THSD7B: variants seen among roughly 807,000 people sequenced by gnomAD.
The protein encoded by THSD7B is thrombospondin type 1 domain containing 7B.
In THSD7B, 138 loss-of-function variants were observed where a neutral mutation model predicts 213.6. The observed-to-expected ratio is 0.65, with a 90% confidence interval of 0.56 to 0.74. THSD7B has a LOEUF of 0.74. Ranked by LOEUF, THSD7B falls within the 30% of genes least tolerant of loss-of-function variation. The pLI, the probability that THSD7B is intolerant of heterozygous loss-of-function variation, is 0.00. For missense variants in THSD7B, 1,931 were observed against 1,991.5 expected, an observed-to-expected ratio of 0.97 and a Z score of 0.58; for synonymous variants, 742 against 687.0, an observed-to-expected ratio of 1.08 and a Z score of -1.25.
At chr2:137,100,015 T>G (rs1688120009) in intron 4 of THSD7B, among the ~76,000 whole-genome samples, 1 of 152,196 alleles carries the variant, frequency 6.6e-6, no homozygotes, top group Admixed American at 6.5e-5. Context: ...GCACCCCACT[T>G]TGATTTGCTT....
At chr2:137,158,066 G>A (rs76336654) in intron 5 of THSD7B, among the ~76,000 whole-genome samples, 5,331 of 152,170 alleles carry the variant, frequency 0.035, 325 homozygotes, top group African/African-American at 0.12. Flanking sequence ...TTAAAATACT[G>A]CTTGATTTAC....
In THSD7B at chr2:137,401,466, G is replaced by A. The variant is rs190460492; in HGVS notation, c.2501-4147G>A. ...AAAATGATTGCTTTTATACTAGAAC[G>A]TTCCCAACAAGGAAATGTTTCATTT... On this transcript the variant is annotated intron_variant, in intron 12 of 27. Coordinates refer to ENST00000409968, the MANE Select transcript of THSD7B (RefSeq NM_001316349.2). Among the ~76,000 whole-genome samples, 197 of 152,178 alleles carry A rather than the reference G, an allele frequency of 1.3e-3. 1 individual carries two copies. Among genetic ancestry groups the A allele is most frequent in the African/African-American group, 4.4e-3 (181 of 41,552 alleles).
At chr2:136,962,403 CT>C (rs71400559) in intron 2 of THSD7B, among the ~76,000 whole-genome samples, 16,347 of 99,306 alleles carry the variant, frequency 0.16, 1,222 homozygotes, top group Middle Eastern at 0.37. Flanking sequence ...AATCTGTTAT[CT>C]TTTTTTTTTT....
intron 2 of THSD7B, among the ~76,000 whole-genome samples, chr2:136,942,292 C>G (rs189887797): frequency 1.3e-5 from 2 of 152,044 alleles, no homozygotes; most frequent in Admixed American, 6.6e-5. Flanking sequence ...ATGCCTCCAG[C>G]TTTGTTATTT....
At chr2:137,091,141 T>G (rs1379315975) in intron 3 of THSD7B, among the ~76,000 whole-genome samples, 1 of 152,190 alleles carries the variant, frequency 6.6e-6, no homozygotes, top group Non-Finnish European at 1.5e-5. Flanking sequence ...TAGGATCCCT[T>G]TTCGAAAATA....
chr2:137,003,482 T>C (rs541444395), intron 2 of THSD7B, among the ~76,000 whole-genome samples: 1 of 152,314 alleles, frequency 6.6e-6, no homozygotes, highest in East Asian at 1.9e-4. Context: ...CCAGAATCTC[T>C]CATTTGAAAT....
At chr2:136,872,927 TA>T (rs1683460610) in intron 1 of THSD7B, among the ~76,000 whole-genome samples, 1 of 144,492 alleles carries the variant, frequency 6.9e-6, no homozygotes, top group African/African-American at 2.6e-5. Flanking sequence ...TAGGGTTGCA[TA>T]ACTGCTAAAT....
intron 1 of THSD7B, among the ~76,000 whole-genome samples, chr2:136,802,421 T>C (rs1481321625): frequency 1.3e-5 from 2 of 151,704 alleles, no homozygotes; most frequent in African/African-American, 2.4e-5. Context: ...CTTTATAACA[T>C]GAGCAATAAA....
Position 137,272,652 on chromosome 2 carries a change from C to T in THSD7B, c.2386C>T (p.Pro796Ser). The T allele has an allele frequency of 1.2e-6, 2 of 1,611,352 alleles. No individual in the cohort carries two copies. The highest frequency in any genetic ancestry group is 1.7e-6 in the Non-Finnish European group (2 of 1,178,576). Residue 796 changes from proline to serine, a missense_variant, in exon 11 of 28, where the codon CCT becomes TCT. Transcript: ENST00000409968. ...ERECEDVSLC[P>S]VYRWKPQKWS... ...AGAGTGTGAAGATGTTTCCTTGTGT[C>T]CTGTATATCGGCAAGTAGTTACCTT...
chr2:137,230,989 C>T lies in THSD7B; in HGVS notation c.1724-55C>T, dbSNP rs1681626461. 4 of 1,518,186 alleles carry T rather than the reference C, an allele frequency of 2.6e-6. No homozygotes were observed. The East Asian group carries it at 6.8e-5, about 26-fold the overall frequency. The allele number at this position is 1,518,186 out of a possible 1,614,324, so 94.0% of individuals were successfully genotyped here. Reference sequence around the variant, plus strand: ...CTTTAAACTGAAGTAATAGATAAAGCAGTGAGGCTTGATTGTGCATTAATC... The same window carrying T: ...CTTTAAACTGAAGTAATAGATAAAGTAGTGAGGCTTGATTGTGCATTAATC... On this transcript the variant is annotated intron_variant, in intron 7 of 27. Coordinates refer to ENST00000409968, the MANE Select transcript of THSD7B (RefSeq NM_001316349.2).
At chr2:136,891,689 A>G (rs905620612) in intron 2 of THSD7B, among the ~76,000 whole-genome samples, 3 of 152,226 alleles carry the variant, frequency 2.0e-5, no homozygotes, top group African/African-American at 7.2e-5. Flanking sequence ...GCTGGGTCAC[A>G]GGCATTTCCA....
intron 3 of THSD7B, among the ~76,000 whole-genome samples, chr2:137,075,057 A>G (rs1250993644): frequency 6.6e-6 from 1 of 151,976 alleles, no homozygotes; most frequent in Admixed American, 6.6e-5. Flanking sequence ...TCTGACAATT[A>G]TGTGTCTTGG....
intron 2 of THSD7B, among the ~76,000 whole-genome samples, chr2:136,927,417 A>T (rs1030162979): frequency 6.6e-6 from 1 of 152,190 alleles, no homozygotes; most frequent in Non-Finnish European, 1.5e-5. Context: ...TGACTTCTGG[A>T]ATACTAACAA....
intron 14 of THSD7B, among the ~76,000 whole-genome samples, chr2:137,437,203 C>A (rs1415946481): frequency 1.3e-5 from 2 of 152,134 alleles, no homozygotes; most frequent in African/African-American, 4.8e-5. Flanking sequence ...CAGAGCTATA[C>A]TTCAAATGTA....
At chr2:136,969,460 A>G (rs1354782694) in intron 2 of THSD7B, among the ~76,000 whole-genome samples, 3 of 152,194 alleles carry the variant, frequency 2.0e-5, no homozygotes, top group Non-Finnish European at 4.4e-5. Context: ...AATCTTAATA[A>G]TGTTTGAATT....
chr2:136,894,008 C>T (rs1436940111), intron 2 of THSD7B, among the ~76,000 whole-genome samples: 3 of 151,986 alleles, frequency 2.0e-5, no homozygotes, highest in Non-Finnish European at 2.9e-5. Context: ...GTAGAGAATC[C>T]ATGATATTAT....
intron 12 of THSD7B, among the ~76,000 whole-genome samples, chr2:137,405,379 G>C (rs1686491722): frequency 6.6e-6 from 1 of 152,106 alleles, no homozygotes; most frequent in African/African-American, 2.4e-5. Context: ...TTTGGTTGCT[G>C]TCGACGCAGG....
At chr2:137,644,343 T>A (rs1682991104) in intron 21 of THSD7B, among the ~76,000 whole-genome samples, 1 of 152,214 alleles carries the variant, frequency 6.6e-6, no homozygotes. Context: ...ACAGTGCCAA[T>A]CAGCATTCTT....
rs372636444 is a variant in THSD7B at position 136,889,718 on chromosome 2, G to A, written c.139+7401G>A. 1.7e-4 allele frequency among the ~76,000 whole-genome samples: 26 copies of A among 152,176 alleles called. No individual in the cohort carries two copies. In the East Asian group the frequency reaches 2.3e-3, roughly 14 times the overall value. ...CATTAATTTATTCAAAGATTCAAGC[G>A]CAGTTCCAAGTGCTCTATTATATTT... On this transcript the variant is annotated intron_variant, in intron 2 of 27. Coordinates refer to ENST00000409968, the MANE Select transcript of THSD7B (RefSeq NM_001316349.2).
Sources: gnomAD v4.1 joint callset for allele counts (sites outside exome capture counted in the v4.1 genomes callset) on GRCh38, gnomAD v4.1.1 for gene constraint, MANE v1.5 for transcripts, NCBI Gene and HGNC (gene_info 2026-07-23, HGNC 2026-07-21) for gene names.